The following LSAMP variants were observed in gnomAD, a reference collection of about 807,000 sequenced individuals.
The protein encoded by LSAMP is limbic system-associated membrane protein.
Under a neutral mutation model 38.6 loss-of-function variants are expected in LSAMP, and 7 were observed. The ratio of observed to expected loss-of-function variants is 0.18; its 90% CI spans 0.10 to 0.34. The LOEUF (loss-of-function observed/expected upper bound fraction) is 0.34. Among genes scored for constraint, LSAMP ranks in the 10% least tolerant of loss-of-function variants. LSAMP has a pLI of 1.00. For missense variants in LSAMP, 313 were observed against 420.0 expected (o/e 0.75, Z 2.23); for synonymous variants, 154 against 166.8 (o/e 0.92, Z 0.59).
intron 1 of LSAMP, among the ~76,000 whole-genome samples, chr3:116,142,795 C>A (rs1709399152): frequency 6.6e-6 from 1 of 151,726 alleles, no homozygotes; most frequent in Admixed American, 6.6e-5. Context: ...TGAATAACAA[C>A]AAATTCGGGT....
At chr3:116,255,775 T>G (rs1429619717) in intron 1 of LSAMP, among the ~76,000 whole-genome samples, 1 of 152,000 alleles carries the variant, frequency 6.6e-6, no homozygotes. Flanking sequence ...CCTACAGAAA[T>G]CCAAATCAGC....
chr3:116,244,298 C>T (rs1027185226), intron 1 of LSAMP, among the ~76,000 whole-genome samples: 3 of 152,148 alleles, frequency 2.0e-5, no homozygotes, highest in East Asian at 1.9e-4. Context: ...AATGACAATA[C>T]CACTTCAATT....
intron 1 of LSAMP, among the ~76,000 whole-genome samples, chr3:116,322,427 T>C (rs927792995): frequency 6.6e-6 from 1 of 152,178 alleles, no homozygotes; most frequent in African/African-American, 2.4e-5. Context: ...TAAAAATAGA[T>C]TTTTTGGTTC....
At chr3:115,824,425 G>A (rs950927429) in intron 6 of LSAMP, among the ~76,000 whole-genome samples, 3 of 152,192 alleles carry the variant, frequency 2.0e-5, no homozygotes, top group Non-Finnish European at 2.9e-5. Flanking sequence ...CAGTTGCTGT[G>A]ACTCATGCCT....
chr3:116,306,169 T>G (rs1218413961), intron 1 of LSAMP, among the ~76,000 whole-genome samples: 1 of 151,850 alleles, frequency 6.6e-6, no homozygotes, highest in Non-Finnish European at 1.5e-5. Flanking sequence ...TAGGTTGAAG[T>G]TTGGGGTGGG....
chr3:115,836,847 A>G (rs531881219), intron 6 of LSAMP, among the ~76,000 whole-genome samples: 3 of 152,134 alleles, frequency 2.0e-5, no homozygotes, highest in East Asian at 3.9e-4. Flanking sequence ...CAGTGGCCTG[A>G]TCTTGGCTCA....
intron 1 of LSAMP, among the ~76,000 whole-genome samples, chr3:116,423,939 A>G (rs916264686): frequency 6.6e-6 from 1 of 152,212 alleles, no homozygotes; most frequent in African/African-American, 2.4e-5. Context: ...TTTTTAAAAA[A>G]TTTAAGACAA....
chr3:116,003,038 A>G (rs1412951142), intron 3 of LSAMP, among the ~76,000 whole-genome samples: 2 of 152,168 alleles, frequency 1.3e-5, no homozygotes, highest in Non-Finnish European at 2.9e-5. Flanking sequence ...ATGGAGGAAC[A>G]ATATAGCCAC....
chr3:116,012,315 G>A (rs1940354024), intron 3 of LSAMP, among the ~76,000 whole-genome samples: 2 of 152,028 alleles, frequency 1.3e-5, no homozygotes, highest in Admixed American at 6.6e-5. Flanking sequence ...CTCTGTTGCT[G>A]TTCAATGGCT....
At chr3:115,818,259 C>A (rs950367538) in intron 6 of LSAMP, among the ~76,000 whole-genome samples, 1 of 152,172 alleles carries the variant, frequency 6.6e-6, no homozygotes, top group East Asian at 1.9e-4. Flanking sequence ...TTTCTTGCAT[C>A]AAGCCTCTTA....
intron 2 of LSAMP, among the ~76,000 whole-genome samples, chr3:116,059,545 G>A (rs1941554048): frequency 6.6e-6 from 1 of 152,056 alleles, no homozygotes; most frequent in Non-Finnish European, 1.5e-5. Context: ...CAAACACCAT[G>A]GTTCACCTGG....
chr3:116,234,457 TATAG>T (rs1233771159), intron 1 of LSAMP, among the ~76,000 whole-genome samples: 2 of 149,846 alleles, frequency 1.3e-5, no homozygotes, highest in Non-Finnish European at 3.0e-5. Context: ...TTATGAAATA[TATAG>T]ATATATTTAT....
At chr3:116,129,323 T>C (rs764994845) in intron 1 of LSAMP, among the ~76,000 whole-genome samples, 2 of 152,166 alleles carry the variant, frequency 1.3e-5, no homozygotes, top group African/African-American at 4.8e-5. Context: ...TTGCACTTCA[T>C]AGAACATCCT....
intron 1 of LSAMP, among the ~76,000 whole-genome samples, chr3:116,291,727 C>G (rs1344563023): frequency 1.3e-5 from 2 of 152,150 alleles, no homozygotes; most frequent in African/African-American, 4.8e-5. Flanking sequence ...ACTTCCCACA[C>G]TCATCATGGC....
intron 1 of LSAMP, among the ~76,000 whole-genome samples, chr3:116,318,712 C>T (rs1401245517): frequency 3.9e-5 from 6 of 152,118 alleles, no homozygotes; most frequent in African/African-American, 7.2e-5. Context: ...AAACAAAAAT[C>T]AATACAATAT....
chr3:115,994,752 C>A (rs890377909), intron 3 of LSAMP, among the ~76,000 whole-genome samples: 15 of 152,012 alleles, frequency 9.9e-5, no homozygotes, highest in African/African-American at 3.6e-4. Context: ...GCCACAGGTG[C>A]CTTCACTTTT....
In LSAMP at chr3:116,366,097, A is replaced by C. The variant is rs920482972; in HGVS notation, c.155+78780T>G. ...GAATGAACAAATAACCTACAGAATG[A>C]GAGAAAATTTTTGCAGTCTATCCAT... On this transcript the variant is annotated intron_variant, in intron 1 of 6. Transcript: ENST00000490035. Among the ~76,000 whole-genome samples, 7 of 150,604 alleles carry C rather than the reference A, an allele frequency of 4.6e-5. No homozygotes were observed. In the East Asian group the frequency reaches 1.4e-3, roughly 29 times the overall value.
intron 1 of LSAMP, among the ~76,000 whole-genome samples, chr3:116,253,239 C>T (rs189309506): frequency 1.3e-5 from 2 of 151,928 alleles, no homozygotes; most frequent in East Asian, 3.9e-4. Context: ...AAAAAAACCT[C>T]TTCACCATTT....
chr3:116,076,381 C>A (rs943068913), intron 2 of LSAMP, among the ~76,000 whole-genome samples: 4 of 152,104 alleles, frequency 2.6e-5, no homozygotes, highest in Non-Finnish European at 5.9e-5. Flanking sequence ...CCTCAGCCTC[C>A]CGAGTAGCTG....
Sources: gnomAD v4.1 joint callset for allele counts (sites outside exome capture counted in the v4.1 genomes callset) on GRCh38, gnomAD v4.1.1 for gene constraint, MANE v1.5 for transcripts, NCBI Gene and HGNC (gene_info 2026-07-23, HGNC 2026-07-21) for gene names.